ARMC3: variants seen among roughly 807,000 people sequenced by gnomAD.
ARMC3 encodes the protein armadillo repeat-containing protein 3.
A neutral mutation model predicts 90.3 loss-of-function variants in ARMC3; 74 were observed. The ratio of observed to expected loss-of-function variants is 0.82; its 90% CI spans 0.68 to 0.99. ARMC3 has a LOEUF of 0.99. ARMC3 is among the 50% of genes least tolerant of loss of function. ARMC3 has a pLI of 0.00. For missense variants in ARMC3, 958 were observed against 1,042.8 expected, an observed-to-expected ratio of 0.92 and a Z score of 1.12; for synonymous variants, 334 against 361.8, an observed-to-expected ratio of 0.92 and a Z score of 0.87.
intron 10 of ARMC3, among the ~76,000 whole-genome samples, chr10:22,982,616 A>C (rs920338444): frequency 9.9e-5 from 15 of 152,262 alleles, no homozygotes; most frequent in African/African-American, 3.6e-4. Context: ...CAGGTCTGTC[A>C]GACTCCAAAG....
At chr10:23,003,043 T>G (rs1837390495) in intron 12 of ARMC3, among the ~76,000 whole-genome samples, 1 of 152,222 alleles carries the variant, frequency 6.6e-6, no homozygotes, top group Non-Finnish European at 1.5e-5. Flanking sequence ...TGTTTGAACA[T>G]GAGTTACTAC....
In ARMC3 at chr10:22,981,625, G is replaced by C; in HGVS notation, c.1100G>C (p.Ser367Thr). ...GIPQLIQLLKSDNEEVREAAA... is the reference protein window; with the variant it reads ...GIPQLIQLLKTDNEEVREAAA... The stretch of plus-strand genomic sequence containing the variant: ...CCACAGTTAATTCAGTTGCTAAAAA[G>C]TGACAATGAAGAGGTACGGGAAGCA... The change falls in exon 10 of 19, where the codon AGT becomes ACT. Residue 367 changes from serine to threonine, a missense_variant. Ser to Thr is a moderately conservative substitution (Grantham distance 58). Transcript: ENST00000298032. 6.2e-7 allele frequency: 1 copy of C among 1,614,094 alleles called. No homozygotes were observed. The highest frequency in any genetic ancestry group is 2.2e-5 in the East Asian group (1 of 44,878).
rs1835648727 is a variant in ARMC3 at position 22,970,749 on chromosome 10, GGC to G, written c.916+2262_916+2263del. ...ACTATGTTGGTTGAAAGAGGAAGAA[GGC>G]GATACCAAGGATGAGGCCAGGTTTC... On this transcript the variant is annotated intron_variant, in intron 8 of 18. Transcript: ENST00000298032. Among the ~76,000 whole-genome samples the G allele has an allele frequency of 2.0e-5, 3 of 152,270 alleles. No individual in the cohort carries two copies. The East Asian group carries it at 5.8e-4, about 29-fold the overall frequency.
intron 2 of ARMC3, among the ~76,000 whole-genome samples, chr10:22,937,199 G>T (rs1262676240): frequency 6.6e-6 from 1 of 152,108 alleles, no homozygotes; most frequent in East Asian, 1.9e-4. Flanking sequence ...CACTGCACCT[G>T]GTCTTTAAAA....
intron 10 of ARMC3, among the ~76,000 whole-genome samples, chr10:22,982,292 C>T (rs954830464): frequency 2.0e-5 from 3 of 152,200 alleles, no homozygotes; most frequent in South Asian, 2.1e-4. Context: ...GCAGCTGAAT[C>T]GCTTGAACCC....
At chr10:23,014,024 A>T in intron 16 of ARMC3, 1 of 1,512,412 alleles carries the variant, frequency 6.6e-7, no homozygotes, top group South Asian at 1.2e-5. Context: ...AGGGAGAACA[A>T]ATATAAACAA....
chr10:22,933,578 TG>T (rs1042496866), intron 2 of ARMC3, among the ~76,000 whole-genome samples: 1 of 152,102 alleles, frequency 6.6e-6, no homozygotes, highest in African/African-American at 2.4e-5. Context: ...CATTGACCAA[TG>T]GTCCTTACTT....
intron 10 of ARMC3, among the ~76,000 whole-genome samples, chr10:22,986,425 A>G (rs1372955808): frequency 2.6e-5 from 4 of 151,828 alleles, no homozygotes; most frequent in Admixed American, 6.6e-5. Context: ...GGTGGTGCAT[A>G]TCTGTAATCC....
chr10:22,940,885 C>G (rs1191690097), intron 2 of ARMC3, among the ~76,000 whole-genome samples: 1 of 152,126 alleles, frequency 6.6e-6, no homozygotes, highest in Non-Finnish European at 1.5e-5. Context: ...TTGTCCATAA[C>G]AAGACTTGTA....
chr10:23,020,801 T>C (rs1315361887), intron 16 of ARMC3, among the ~76,000 whole-genome samples: 1 of 152,182 alleles, frequency 6.6e-6, no homozygotes, highest in African/African-American at 2.4e-5. Context: ...TGTTTTTGCT[T>C]TTTCTCAACT....
chr10:22,986,893 T>C (rs1211271788), intron 10 of ARMC3, among the ~76,000 whole-genome samples: 1 of 152,036 alleles, frequency 6.6e-6, no homozygotes, highest in Non-Finnish European at 1.5e-5. Context: ...TATAAAGGCA[T>C]AGTAAAAGGG....
Position 22,931,950 on chromosome 10 carries a change from T to C in ARMC3, c.-1-46T>C, listed in dbSNP as rs779602450. 1.1e-5 allele frequency: 16 copies of C among 1,522,282 alleles called. No homozygotes were observed. The South Asian group carries it at 1.2e-4, about 11-fold the overall frequency. 94.3% of individuals were successfully genotyped at this position (1,522,282 alleles called of 1,614,324 possible). A position where few individuals can be genotyped will look rare whatever the true frequency, so the allele number is the denominator to read the frequency against. ...CTCAAGGGCACAGGTAATTGAGAAA[T>C]GTATGTGCAAATGTCACTTTAACCA... On this transcript the variant is annotated intron_variant, in intron 1 of 18. Coordinates refer to ENST00000298032, the MANE Select transcript of ARMC3 (RefSeq NM_173081.5).
intron 10 of ARMC3, among the ~76,000 whole-genome samples, chr10:22,992,454 T>G (rs905082519): frequency 3.3e-5 from 5 of 152,222 alleles, no homozygotes; most frequent in African/African-American, 4.8e-5. Flanking sequence ...TTGCTATAGA[T>G]GCAAACACAT....
rs545577320 is a variant in ARMC3, at chr10:22,995,183, T to C, written c.1176-2965T>C. On this transcript the variant is annotated intron_variant, in intron 10 of 18. Coordinates refer to ENST00000298032, the MANE Select transcript of ARMC3 (RefSeq NM_173081.5). ...ACAGGGAAAAATACAACAGAATGTC[T>C]GAGGTTTGAAATAAACAGAATTAAT... Among the ~76,000 whole-genome samples, 136 of 151,926 alleles carry C rather than the reference T, an allele frequency of 9.0e-4. 2 individuals are homozygous for C. Among genetic ancestry groups the C allele is most frequent in the African/African-American group, 3.2e-3 (131 of 41,414 alleles).
At chr10:22,939,139 G>A (rs899558688) in intron 2 of ARMC3, among the ~76,000 whole-genome samples, 1 of 152,154 alleles carries the variant, frequency 6.6e-6, no homozygotes, top group African/African-American at 2.4e-5. Flanking sequence ...AGGGTAATGT[G>A]TACAGAGGAT....
At chr10:22,961,639 AAT>A (rs1412574496) in intron 6 of ARMC3, 2 of 387,674 alleles carry the variant, frequency 5.2e-6, no homozygotes, top group African/African-American at 4.2e-5. Context: ...TATAATAAAC[AAT>A]AGATAAAAGT....
At chr10:22,995,435 T>G (rs957138945) in intron 10 of ARMC3, among the ~76,000 whole-genome samples, 1 of 152,210 alleles carries the variant, frequency 6.6e-6, no homozygotes, top group Non-Finnish European at 1.5e-5. Flanking sequence ...TATGTACATA[T>G]AATGCAGGTT....
At chr10:22,952,956 T>C (rs1484299582) in intron 3 of ARMC3, among the ~76,000 whole-genome samples, 1 of 152,156 alleles carries the variant, frequency 6.6e-6, no homozygotes, top group Non-Finnish European at 1.5e-5. Context: ...CTGGAAGCTA[T>C]GAAAATAGTA....
intron 6 of ARMC3, 42 bp downstream of exon 6, chr10:22,959,616 T>A: frequency 1.3e-6 from 2 of 1,527,736 alleles, no homozygotes; most frequent in East Asian, 4.6e-5. Flanking sequence ...AAAGCTCATT[T>A]TAGAATTTAT....
Sources: gnomAD v4.1 joint callset for allele counts (sites outside exome capture counted in the v4.1 genomes callset) on GRCh38, gnomAD v4.1.1 for gene constraint, MANE v1.5 for transcripts, NCBI Gene and HGNC (gene_info 2026-07-23, HGNC 2026-07-21) for gene names.